The following SH3KBP1 variants were observed in gnomAD, a reference collection of about 807,000 sequenced individuals.
SH3KBP1 encodes the protein SH3 domain-containing kinase-binding protein 1.
A neutral mutation model predicts 50.1 loss-of-function variants in SH3KBP1; 8 were observed. That is an observed-to-expected ratio of 0.16 (90% confidence interval 0.09 to 0.29). SH3KBP1 has a LOEUF of 0.29. Ranked by LOEUF, SH3KBP1 falls within the 10% of genes least tolerant of loss-of-function variation. The pLI is 1.00. For synonymous variants in SH3KBP1, 227 were observed against 218.6 expected (o/e 1.04, Z -0.34); for missense variants, 377 against 535.2 (o/e 0.70, Z 2.92).
At chrX:19,589,033 C>A (rs780457416) in intron 11 of SH3KBP1, among the ~76,000 whole-genome samples, 2 of 111,847 alleles carry the variant, frequency 1.8e-5, no homozygotes, top group Non-Finnish European at 3.8e-5. Flanking sequence ...CTGCCTGAAG[C>A]GCCCTTCTGG....
chrX:19,605,998 G>T (rs5955824), intron 9 of SH3KBP1, among the ~76,000 whole-genome samples: 1 of 111,518 alleles, frequency 9.0e-6, no homozygotes, highest in East Asian at 2.8e-4. Context: ...TTGATTTGAT[G>T]AGCTGGAGCA....
chrX:19,776,625 G>C (rs2065991454), intron 2 of SH3KBP1, among the ~76,000 whole-genome samples: 1 of 85,914 alleles, frequency 1.2e-5, no homozygotes, highest in Non-Finnish European at 2.1e-5. Flanking sequence ...ATAACTCATT[G>C]TAATCTCAAA....
chrX:19,678,349 G>A (rs1021168655), intron 6 of SH3KBP1, among the ~76,000 whole-genome samples: 1 of 98,266 alleles, frequency 1.0e-5, no homozygotes, highest in South Asian at 4.6e-4. Flanking sequence ...ATTCCAGGAG[G>A]TTTTTTTTTT....
At chrX:19,862,662 CAA>C (rs111471978) in intron 1 of SH3KBP1, among the ~76,000 whole-genome samples, 1 of 100,453 alleles carries the variant, frequency 1.0e-5, no homozygotes. Context: ...TATTTTGGTG[CAA>C]AAAAAAAAAA....
intron 16 of SH3KBP1, among the ~76,000 whole-genome samples, chrX:19,539,453 G>C (rs1025424516): frequency 9.0e-6 from 1 of 111,562 alleles, no homozygotes; most frequent in African/African-American, 3.3e-5. Context: ...TATCTCAGTG[G>C]GTACTACTTA....
intron 2 of SH3KBP1, among the ~76,000 whole-genome samples, chrX:19,811,124 G>A (rs1198371949): frequency 3.6e-5 from 4 of 111,152 alleles, no homozygotes; most frequent in Non-Finnish European, 5.7e-5. Context: ...CAAGACCGGG[G>A]GAGAAAAAAA....
At chrX:19,882,935 G>C (rs779135304) in intron 1 of SH3KBP1, among the ~76,000 whole-genome samples, 3 of 112,133 alleles carry the variant, frequency 2.7e-5, no homozygotes, top group Non-Finnish European at 5.6e-5. Flanking sequence ...AACACAAGAA[G>C]TGTGTTTTGA....
intron 2 of SH3KBP1, among the ~76,000 whole-genome samples, chrX:19,777,156 G>A (rs184017549): frequency 6.7e-4 from 75 of 111,544 alleles, no homozygotes; most frequent in African/African-American, 2.3e-3. Flanking sequence ...AATGCAATTT[G>A]AGGAACCACA....
At chrX:19,758,511 G>A (rs2065284853) in intron 2 of SH3KBP1, among the ~76,000 whole-genome samples, 1 of 110,491 alleles carries the variant, frequency 9.1e-6, no homozygotes, top group Non-Finnish European at 1.9e-5. Flanking sequence ...TAAACAGTTT[G>A]GCTAATTATG....
intron 2 of SH3KBP1, among the ~76,000 whole-genome samples, chrX:19,831,735 G>A (rs2067897289): frequency 1.3e-5 from 1 of 79,576 alleles, no homozygotes; most frequent in Admixed American, 1.8e-4. Context: ...AGGTTGCGGT[G>A]AGCCGAGATC....
chrX:19,546,691 C>T (rs2065093831), intron 14 of SH3KBP1, among the ~76,000 whole-genome samples: 1 of 112,311 alleles, frequency 8.9e-6, no homozygotes, highest in Non-Finnish European at 1.9e-5. Flanking sequence ...CTCATATCTC[C>T]TTTGGTACCT....
At chrX:19,846,425 TGGA>T (rs1223006937) in intron 1 of SH3KBP1, among the ~76,000 whole-genome samples, 2 of 112,498 alleles carry the variant, frequency 1.8e-5, no homozygotes, top group Non-Finnish European at 3.8e-5. Flanking sequence ...TTTTTGTGCA[TGGA>T]GAAGAAAGTA....
chrX:19,591,994 C>G, intron 11 of SH3KBP1, 73 bp downstream of exon 11: 1 of 856,598 alleles, frequency 1.2e-6, no homozygotes. Context: ...TGTGGGTATT[C>G]TGGACTAGCC....
intron 12 of SH3KBP1, among the ~76,000 whole-genome samples, chrX:19,574,948 A>G (rs960509325): frequency 8.9e-6 from 1 of 112,230 alleles, no homozygotes; most frequent in African/African-American, 3.2e-5. Flanking sequence ...AGGCCTCAGA[A>G]GAAACAAACC....
intron 2 of SH3KBP1, among the ~76,000 whole-genome samples, chrX:19,798,251 A>T (rs975111136): frequency 9.3e-6 from 1 of 107,251 alleles, no homozygotes; most frequent in South Asian, 4.1e-4. Context: ...TTCCTGGCTA[A>T]TTTTTTTTTA....
At chrX:19,641,981 C>T (rs1322850429) in intron 7 of SH3KBP1, among the ~76,000 whole-genome samples, 1 of 111,140 alleles carries the variant, frequency 9.0e-6, no homozygotes, top group African/African-American at 3.3e-5. Context: ...GCTGGGACCA[C>T]AGGCATGTGC....
intron 2 of SH3KBP1, among the ~76,000 whole-genome samples, chrX:19,751,858 G>A (rs759316493): frequency 8.9e-6 from 1 of 112,157 alleles, no homozygotes; most frequent in Non-Finnish European, 1.9e-5. Context: ...GCCTCACCGG[G>A]CAAACAGATG....
chrX:19,556,341 C>G (rs1370925918), intron 13 of SH3KBP1, among the ~76,000 whole-genome samples: 1 of 109,168 alleles, frequency 9.2e-6, no homozygotes, highest in Non-Finnish European at 1.9e-5. Flanking sequence ...ACCCACAGGG[C>G]CGCAGGTACT....
chrX:19,781,679 C>T (rs978085989), intron 2 of SH3KBP1, among the ~76,000 whole-genome samples: 1 of 109,226 alleles, frequency 9.2e-6, no homozygotes, highest in Admixed American at 9.8e-5. Context: ...AGACAGCAGA[C>T]AGCAGGCAGT....
Sources: gnomAD v4.1 joint callset for allele counts (sites outside exome capture counted in the v4.1 genomes callset) on GRCh38, gnomAD v4.1.1 for gene constraint, MANE v1.5 for transcripts, NCBI Gene and HGNC (gene_info 2026-07-23, HGNC 2026-07-21) for gene names.